Variants in HNRNPLL observed in about 807,000 individuals in gnomAD.
HNRNPLL encodes heterogeneous nuclear ribonucleoprotein L like, also known as heterogeneous nuclear ribonucleoprotein L-like.
HNRNPLL carries 25 observed loss-of-function variants against 67.1 expected under a neutral mutation model. That is an observed-to-expected ratio of 0.37 (90% CI 0.27 to 0.52). HNRNPLL has a LOEUF of 0.52. Ranked by LOEUF, HNRNPLL falls within the 20% of genes least tolerant of loss-of-function variation. HNRNPLL has a pLI of 0.90. For synonymous variants in HNRNPLL, 267 were observed against 241.7 expected (o/e 1.10, Z -0.97); for missense variants, 542 against 673.9 (o/e 0.80, Z 2.17).
intron 1 of HNRNPLL, among the ~76,000 whole-genome samples, chr2:38,592,130 A>T (rs1459325093): frequency 6.6e-6 from 1 of 152,224 alleles, no homozygotes; most frequent in East Asian, 1.9e-4. Flanking sequence ...TTGTTTTAAA[A>T]TTTTTAATTT....
intron 2 of HNRNPLL, among the ~76,000 whole-genome samples, chr2:38,586,397 C>T (rs1478646534): frequency 1.3e-5 from 2 of 152,150 alleles, no homozygotes; most frequent in Non-Finnish European, 2.9e-5. Flanking sequence ...AGTTTATCTA[C>T]CTCATGACCT....
intron 2 of HNRNPLL, among the ~76,000 whole-genome samples, chr2:38,586,854 A>G (rs964627482): frequency 2.0e-5 from 3 of 152,180 alleles, no homozygotes; most frequent in Admixed American, 6.5e-5. Flanking sequence ...AAAAACCCCA[A>G]AATATAATAC....
At chr2:38,567,238 AACTACAAGTGTGTGCC>A (rs1463451433) in intron 12 of HNRNPLL, among the ~76,000 whole-genome samples, 1 of 151,990 alleles carries the variant, frequency 6.6e-6, no homozygotes, top group Non-Finnish European at 1.5e-5. Flanking sequence ...AAGTAGCTGA[AACTACAAGTGTGTGCC>A]ACCACGCCAG....
chr2:38,568,671 T>G (rs528734564), intron 10 of HNRNPLL, among the ~76,000 whole-genome samples: 2 of 152,308 alleles, frequency 1.3e-5, no homozygotes, highest in South Asian at 4.1e-4. Flanking sequence ...AACCACAGAT[T>G]TGTTAACTAA....
Position 38,564,158 on chromosome 2 carries a change from A to G in HNRNPLL, c.*24T>C, listed in dbSNP as rs765028870. 7.2e-7 allele frequency: 1 copy of G among 1,392,882 alleles called. No individual in the cohort carries two copies. Among genetic ancestry groups the G allele is most frequent in the Non-Finnish European group, 1.0e-6 (1 of 982,052 alleles). The allele number at this position is 1,392,882 out of a possible 1,614,324, so 86.3% of individuals were successfully genotyped here. A position where few individuals can be genotyped will look rare whatever the true frequency, so the allele number is the denominator to read the frequency against. ...TTGAAATTGTAATAAAGGTGAACAT[A>G]AATTCTAACATGCTCTTCTCTTCTT... On this transcript the variant is annotated 3_prime_UTR_variant, in exon 13 of 13. Transcript: ENST00000449105.
chr2:38,585,911 A>C, intron 2 of HNRNPLL, 30 bp from the exon 3 acceptor site: 1 of 1,268,690 alleles, frequency 7.9e-7, no homozygotes, highest in South Asian at 1.2e-5. Context: ...GGAAACACAC[A>C]AACACAGCAA....
chr2:38,571,735 T>C (rs1256063659), intron 8 of HNRNPLL, among the ~76,000 whole-genome samples: 6 of 152,172 alleles, frequency 3.9e-5, no homozygotes, highest in African/African-American at 9.6e-5. Flanking sequence ...AAAAATTAAC[T>C]ATATATGGAT....
chr2:38,566,050 G>A, intron 12 of HNRNPLL: 1 of 987,656 alleles, frequency 1.0e-6, no homozygotes, highest in Non-Finnish European at 1.2e-6. Context: ...TGGAGATCCA[G>A]GATCAAAGTA....
chr2:38,596,463 T>G (rs144186402), intron 1 of HNRNPLL, among the ~76,000 whole-genome samples: 2,707 of 152,206 alleles, frequency 0.018, 38 homozygotes, highest in East Asian at 0.069. Flanking sequence ...TCACCATTTT[T>G]GCCAGGCTGG....
intron 1 of HNRNPLL, chr2:38,599,996 C>T: frequency 2.2e-6 from 1 of 453,404 alleles, no homozygotes; most frequent in Non-Finnish European, 4.5e-6. Context: ...AATGAATTAC[C>T]AAACATGTGA....
intron 6 of HNRNPLL, among the ~76,000 whole-genome samples, chr2:38,579,821 T>C (rs977702285): frequency 7.9e-5 from 12 of 152,112 alleles, no homozygotes; most frequent in African/African-American, 2.7e-4. Context: ...AGCTATCAAT[T>C]TGAGTGCAAG....
intron 1 of HNRNPLL, among the ~76,000 whole-genome samples, chr2:38,598,252 G>A (rs1273297561): frequency 2.0e-5 from 3 of 152,102 alleles, no homozygotes; most frequent in African/African-American, 4.8e-5. Flanking sequence ...GGATAAATAC[G>A]GGCTGGGAAA....
intron 7 of HNRNPLL, among the ~76,000 whole-genome samples, chr2:38,576,985 T>C (rs1666323114): frequency 6.6e-6 from 1 of 151,796 alleles, no homozygotes; most frequent in South Asian, 2.1e-4. Context: ...GGAATAAACA[T>C]GAACAAATTT....
At chr2:38,591,294 TG>T (rs2148376026) in intron 2 of HNRNPLL, among the ~76,000 whole-genome samples, 1 of 152,290 alleles carries the variant, frequency 6.6e-6, no homozygotes, top group Non-Finnish European at 1.5e-5. Flanking sequence ...ACAACTTTGC[TG>T]GGGAGTGAGA....
chr2:38,585,706 G>C lies in HNRNPLL; in HGVS notation c.484C>G (p.Pro162Ala), dbSNP rs1666699091. Residue 162 changes from proline (P) to alanine (A), a missense_variant, in exon 3 of 13, where the codon CCA becomes GCA. By Grantham distance (27) the Pro-to-Ala change is conservative. Around this residue, in one of 2 missense-constraint regions of HNRNPLL, gnomAD observed 415 missense variants for 575.2 expected, o/e 0.72. Transcript: ENST00000449105. Reference sequence around the variant, plus strand: ...AGAAGAACTTTGTTGCCTCCTGATGGATCATCAGTATTTCCTGGCCGAGTG... The same window carrying C: ...AGAAGAACTTTGTTGCCTCCTGATGCATCATCAGTATTTCCTGGCCGAGTG... ...RITRPGNTDD[P>A]SGGNKVLLLS... is the part of the protein sequence containing the mutation. 1.9e-6 allele frequency: 3 copies of C among 1,613,750 alleles called. No individual in the cohort carries two copies. The highest frequency in any genetic ancestry group is 2.5e-6 in the Non-Finnish European group (3 of 1,179,672).
At chr2:38,573,534 TTAGC>T in intron 7 of HNRNPLL, 107 bp from the exon 8 acceptor site, 1 of 717,060 alleles carries the variant, frequency 1.4e-6, no homozygotes, top group South Asian at 1.8e-5. Context: ...ACTCTTAATA[TTAGC>T]TAGTTTGATG....
At chr2:38,574,853 T>A (rs1246361813) in intron 7 of HNRNPLL, among the ~76,000 whole-genome samples, 1 of 151,894 alleles carries the variant, frequency 6.6e-6, no homozygotes, top group Non-Finnish European at 1.5e-5. Context: ...GGCTGTTTAG[T>A]AATTATTTTA....
rs1666161923 is a variant in HNRNPLL at position 38,573,176 on chromosome 2, C to G, written c.1092+34G>C. ...CTTTTCAGAGTTACCACTGAATATC[C>G]TAGCAAAAGAAACCAATATAAAGAG... On this transcript the variant is annotated intron_variant, in intron 8 of 12. Transcript: ENST00000449105. 2.8e-6 allele frequency: 4 copies of G among 1,421,026 alleles called. No individual in the cohort carries two copies. The East Asian group carries it at 9.2e-5, about 33-fold the overall frequency. The allele number at this position is 1,421,026 out of a possible 1,614,324, so 88.0% of individuals were successfully genotyped here. A position where few individuals can be genotyped will look rare whatever the true frequency, so the allele number is the denominator to read the frequency against.
chr2:38,564,288 TC>T (rs1434173362), intron 12 of HNRNPLL, 51 bp from the exon 13 acceptor site: 1 of 988,348 alleles, frequency 1.0e-6, no homozygotes, highest in Non-Finnish European at 1.6e-6. Context: ...ACTTTCAAGA[TC>T]ACCTTGAAGT....
Sources: gnomAD v4.1 joint callset for allele counts (sites outside exome capture counted in the v4.1 genomes callset) on GRCh38, gnomAD v4.1.1 for gene constraint, gnomAD v4.1.1 regional missense constraint, MANE v1.5 for transcripts, NCBI Gene and HGNC (gene_info 2026-07-23, HGNC 2026-07-21) for gene names.